The following CDH13 variants were observed in gnomAD, a reference collection of about 807,000 sequenced individuals.
CDH13 encodes the protein cadherin-13.
In CDH13, 24 loss-of-function variants were observed where a neutral mutation model predicts 63.8. That is an observed-to-expected ratio of 0.38 (90% CI 0.27 to 0.53). CDH13 has a LOEUF of 0.53. Ranked by LOEUF, CDH13 falls within the 20% of genes least tolerant of loss-of-function variation. The pLI is 0.85. For synonymous variants in CDH13, 503 were observed against 355.3 expected (o/e 1.42, Z -4.67); for missense variants, 1,049 against 903.1 (o/e 1.16, Z -2.07).
chr16:83,213,729 G>C (rs556774589), intron 4 of CDH13, among the ~76,000 whole-genome samples: 2 of 152,284 alleles, frequency 1.3e-5, no homozygotes, highest in South Asian at 4.1e-4. Context: ...ATCCATATTT[G>C]GGCAAAGGTG....
At chr16:82,983,710 A>G (rs1235473710) in intron 2 of CDH13, among the ~76,000 whole-genome samples, 2 of 152,128 alleles carry the variant, frequency 1.3e-5, no homozygotes, top group Admixed American at 1.3e-4. Context: ...TATGAGAGAG[A>G]TTGTGCATAC....
intron 11 of CDH13, among the ~76,000 whole-genome samples, chr16:83,764,114 T>A (rs1305565908): frequency 6.6e-6 from 1 of 152,198 alleles, no homozygotes; most frequent in African/African-American, 2.4e-5. Context: ...TTAAGTGAAC[T>A]GACTTGAACT....
At chr16:83,425,346 A>G (rs4505304) in intron 6 of CDH13, among the ~76,000 whole-genome samples, 8 of 152,240 alleles carry the variant, frequency 5.3e-5, no homozygotes, top group African/African-American at 1.9e-4. Flanking sequence ...GCCTGAAGCA[A>G]TCGAGGAAGG....
intron 10 of CDH13, among the ~76,000 whole-genome samples, chr16:83,701,114 G>T (rs984996629): frequency 6.6e-6 from 1 of 152,116 alleles, no homozygotes; most frequent in African/African-American, 2.4e-5. Context: ...GAGGGATCTC[G>T]GCTGCAGGTT....
chr16:83,101,020 T>C (rs12923526), intron 3 of CDH13, among the ~76,000 whole-genome samples: 49,396 of 152,004 alleles, frequency 0.32, 8,960 homozygotes, highest in Middle Eastern at 0.54. Flanking sequence ...TATATTTCAG[T>C]TCATGGTAAA....
chr16:83,048,054 A>G (rs894420616), intron 3 of CDH13, among the ~76,000 whole-genome samples: 24 of 152,204 alleles, frequency 1.6e-4, no homozygotes, highest in African/African-American at 5.5e-4. Flanking sequence ...AGTAAAGTAG[A>G]TTCAGGTTGG....
At chr16:83,491,968 A>C (rs926626241) in intron 7 of CDH13, among the ~76,000 whole-genome samples, 1 of 152,202 alleles carries the variant, frequency 6.6e-6, no homozygotes, top group African/African-American at 2.4e-5. Flanking sequence ...TTTACTTGCT[A>C]TGAGATATTC....
At chr16:83,320,213 C>CTT (rs113647238) in intron 5 of CDH13, among the ~76,000 whole-genome samples, 5 of 145,948 alleles carry the variant, frequency 3.4e-5, no homozygotes, top group African/African-American at 7.5e-5. Flanking sequence ...ATAATTGTTC[C>CTT]TTTTTTTTTT....
intron 5 of CDH13, among the ~76,000 whole-genome samples, chr16:83,327,824 A>T (rs2090397619): frequency 6.6e-6 from 1 of 152,152 alleles, no homozygotes; most frequent in African/African-American, 2.4e-5. Context: ...AAATGCAAAG[A>T]CCCCAAAATA....
At chr16:82,932,402 A>G (rs2042526227) in intron 2 of CDH13, among the ~76,000 whole-genome samples, 1 of 152,156 alleles carries the variant, frequency 6.6e-6, no homozygotes, top group African/African-American at 2.4e-5. Flanking sequence ...TAAAGAGATT[A>G]TTTTTGAAGA....
chr16:82,738,164 C>T (rs1264857841), intron 1 of CDH13, among the ~76,000 whole-genome samples: 1 of 152,170 alleles, frequency 6.6e-6, no homozygotes, highest in Non-Finnish European at 1.5e-5. Context: ...TTAGTCTGCT[C>T]TCAAAGAGTT....
At chr16:83,225,834 C>G (rs1426787988) in intron 5 of CDH13, among the ~76,000 whole-genome samples, 2 of 152,172 alleles carry the variant, frequency 1.3e-5, no homozygotes, top group South Asian at 2.1e-4. Context: ...TATAACTTGT[C>G]TGTACCCCAG....
intron 4 of CDH13, among the ~76,000 whole-genome samples, chr16:83,191,472 T>TAG (rs1567492968): frequency 8.7e-6 from 1 of 115,462 alleles, no homozygotes; most frequent in Non-Finnish European, 1.8e-5. Context: ...TATATATATA[T>TAG]ATATATATAT....
In CDH13 at chr16:82,863,504, G is replaced by A. The variant is rs555850684; in HGVS notation, c.157+5031G>A. On this transcript the variant is annotated intron_variant, in intron 2 of 13. Transcript: ENST00000567109. ...CACACAGTCATCTATTAGCTCTGTG[G>A]CCATGAGTGAGTTATTCACATCCTC... Among the ~76,000 whole-genome samples, 69 of 152,232 alleles carry A rather than the reference G, an allele frequency of 4.5e-4. 1 individual carries two copies. Among genetic ancestry groups the A allele is most frequent in the South Asian group, 3.7e-3 (18 of 4,822 alleles).
At chr16:83,540,172 C>G (rs996029429) in intron 7 of CDH13, among the ~76,000 whole-genome samples, 3 of 151,440 alleles carry the variant, frequency 2.0e-5, no homozygotes, top group African/African-American at 7.3e-5. Context: ...TGAAGCCACT[C>G]TCCTGCTTCA....
chr16:83,108,868 C>G (rs974271281), intron 3 of CDH13, among the ~76,000 whole-genome samples: 1 of 152,100 alleles, frequency 6.6e-6, no homozygotes, highest in African/African-American at 2.4e-5. Flanking sequence ...TCCCCCAGCT[C>G]CCTTGCCCTT....
intron 5 of CDH13, among the ~76,000 whole-genome samples, chr16:83,315,674 A>T (rs2194343): frequency 0.99 from 150,983 of 151,900 alleles, 75,046 homozygotes; most frequent in Middle Eastern, 1. Flanking sequence ...AAAATTTTTA[A>T]TTTTTTTAGT....
At chr16:83,677,363 C>G (rs1915044029) in intron 9 of CDH13, among the ~76,000 whole-genome samples, 1 of 152,208 alleles carries the variant, frequency 6.6e-6, no homozygotes, top group African/African-American at 2.4e-5. Context: ...TCAACGCTGC[C>G]CATTGACACT....
chr16:82,967,535 A>G (rs994316264), intron 2 of CDH13, among the ~76,000 whole-genome samples: 4 of 152,102 alleles, frequency 2.6e-5, no homozygotes, highest in African/African-American at 7.2e-5. Flanking sequence ...TTAAGTGCCC[A>G]TTTCCCCTTG....
Sources: gnomAD v4.1 joint callset for allele counts (sites outside exome capture counted in the v4.1 genomes callset) on GRCh38, gnomAD v4.1.1 for gene constraint, MANE v1.5 for transcripts, NCBI Gene and HGNC (gene_info 2026-07-23, HGNC 2026-07-21) for gene names.